The following KIF13B variants were observed in gnomAD, a reference collection of about 807,000 sequenced individuals.
KIF13B encodes the protein kinesin-like protein KIF13B.
A neutral mutation model predicts 222.0 loss-of-function variants in KIF13B; 127 were observed. The observed-to-expected ratio is 0.57, with a 90% confidence interval of 0.50 to 0.66. KIF13B has a LOEUF of 0.66. Among genes scored for constraint, KIF13B ranks in the 30% least tolerant of loss-of-function variants. KIF13B has a pLI of 0.00. For missense variants in KIF13B, 2,173 were observed against 2,379.0 expected (o/e 0.91, Z 1.80); for synonymous variants, 976 against 919.0 (o/e 1.06, Z -1.12).
intron 21 of KIF13B, among the ~76,000 whole-genome samples, chr8:29,137,613 G>A (rs952697262): frequency 6.6e-6 from 1 of 152,120 alleles, no homozygotes; most frequent in Non-Finnish European, 1.5e-5. Context: ...TCTCCAGGCT[G>A]GTTTCTTTTG....
intron 12 of KIF13B, 33 bp from the exon 13 acceptor site, chr8:29,160,900 C>G (rs756190725): frequency 6.2e-7 from 1 of 1,601,412 alleles, no homozygotes; most frequent in South Asian, 1.1e-5. Flanking sequence ...ATTAATTTCA[C>G]AGCTATTGAG....
intron 2 of KIF13B, among the ~76,000 whole-genome samples, chr8:29,199,351 T>C (rs546722625): frequency 6.6e-6 from 1 of 152,108 alleles, no homozygotes; most frequent in South Asian, 2.1e-4. Context: ...ATTCCAGTTT[T>C]ACAGATGCAA....
At chr8:29,186,925 C>A (rs1278763804) in intron 5 of KIF13B, among the ~76,000 whole-genome samples, 1 of 149,052 alleles carries the variant, frequency 6.7e-6, no homozygotes, top group Non-Finnish European at 1.5e-5. Flanking sequence ...GCCGAGATTG[C>A]GCCACTGCAC....
Position 29,116,865 on chromosome 8 carries a change from C to A in KIF13B, c.3803G>T (p.Arg1268Leu). ...SHPADMQLVLRKRICVNVHGR... is the reference protein window; with the variant it reads ...SHPADMQLVLLKRICVNVHGR... ...GTGAACATTGACACAGATTCTCTTG[C>A]GTAACACCAGTTGCATGTCAGCAGG... Residue 1268 changes from arginine (R) to leucine (L), a missense_variant, in exon 31 of 40, where the codon CGC (arginine) becomes CTC (leucine). Coordinates refer to ENST00000524189, the MANE Select transcript of KIF13B (RefSeq NM_015254.4). 6.2e-7 allele frequency: 1 copy of A among 1,605,210 alleles called. No individual in the cohort carries two copies. Among genetic ancestry groups the A allele is most frequent in the East Asian group, 2.3e-5 (1 of 44,276 alleles).
intron 37 of KIF13B, among the ~76,000 whole-genome samples, chr8:29,089,034 G>C (rs1808171374): frequency 6.6e-6 from 1 of 152,146 alleles, no homozygotes; most frequent in African/African-American, 2.4e-5. Context: ...GGAAAAGAAG[G>C]TTCTTAAATA....
chr8:29,166,536 C>T (rs189394271), intron 11 of KIF13B, among the ~76,000 whole-genome samples: 1 of 152,044 alleles, frequency 6.6e-6, no homozygotes, highest in Non-Finnish European at 1.5e-5. Context: ...GAAACCCTGT[C>T]TCTATAAAAA....
rs764640446 is a variant in KIF13B at position 29,132,494 on chromosome 8, G to A, written c.2785-29C>T. 9 of 1,391,126 alleles carry A rather than the reference G, an allele frequency of 6.5e-6. No individual in the cohort carries two copies. The South Asian group carries it at 1.4e-4, about 22-fold the overall frequency. 86.2% of individuals were successfully genotyped at this position (1,391,126 alleles called of 1,614,324 possible). On this transcript the variant is annotated intron_variant, in intron 22 of 39. Coordinates refer to ENST00000524189, the MANE Select transcript of KIF13B (RefSeq NM_015254.4). ...AAACACAACAGCTAATTACAGAAGAGCAAACTCTTTCTGGTAATCTTATGA... is the reference window on the plus strand; with the variant it reads ...AAACACAACAGCTAATTACAGAAGAACAAACTCTTTCTGGTAATCTTATGA...
At chr8:29,138,531 A>G (rs1810665028) in intron 21 of KIF13B, 1 of 152,190 alleles carries the variant, frequency 6.6e-6, no homozygotes, top group Admixed American at 6.5e-5. Context: ...CTAGGTAAGA[A>G]TCATCAGTGG....
intron 10 of KIF13B, among the ~76,000 whole-genome samples, chr8:29,174,328 T>G (rs943870356): frequency 1.6e-4 from 25 of 152,228 alleles, no homozygotes; most frequent in Non-Finnish European, 4.4e-5. Context: ...GTCTTGAATT[T>G]TGCAGTTTGC....
intron 1 of KIF13B, chr8:29,250,085 C>G: frequency 7.9e-7 from 1 of 1,272,298 alleles, no homozygotes; most frequent in South Asian, 1.2e-5. Flanking sequence ...ACAGTCAAAT[C>G]TGTATCATAC....
rs777583082 is a variant in KIF13B, at chr8:29,132,450, T to C, written c.2800A>G (p.Ile934Val). 8 of 1,531,972 alleles carry C rather than the reference T, an allele frequency of 5.2e-6. No homozygotes were observed. The Admixed American group carries it at 9.9e-5, about 19-fold the overall frequency. The allele number at this position is 1,531,972 out of a possible 1,614,324, so 94.9% of individuals were successfully genotyped here. ...AGATGCTCGATAAAGTCTTCGGTGATGTTAACAGAAAACTCCTGAAACACA... is the reference window on the plus strand; with the variant it reads ...AGATGCTCGATAAAGTCTTCGGTGACGTTAACAGAAAACTCCTGAAACACA... The part of the protein sequence containing the change: ...FDHCNEFSVN[I>V]TEDFIEHLSE... Residue 934 changes from isoleucine to valine, a missense_variant, in exon 23 of 40, where the codon ATC becomes GTC. Around this residue, in one of 2 missense-constraint regions of KIF13B, gnomAD observed 1,480 missense variants for 1,722.8 expected, o/e 0.86. Coordinates refer to ENST00000524189, the MANE Select transcript of KIF13B (RefSeq NM_015254.4).
intron 2 of KIF13B, among the ~76,000 whole-genome samples, chr8:29,244,083 G>A (rs907746524): frequency 1.5e-4 from 23 of 151,508 alleles, no homozygotes; most frequent in Non-Finnish European, 2.9e-4. Context: ...GTGTGATCTC[G>A]GCTCACTGCA....
intron 36 of KIF13B, among the ~76,000 whole-genome samples, chr8:29,098,685 G>A (rs942840620): frequency 6.6e-6 from 1 of 150,766 alleles, no homozygotes; most frequent in Admixed American, 6.6e-5. Context: ...ATGTAACTAC[G>A]GAATTTCATG....
rs979291973 is a variant in KIF13B at position 29,202,853 on chromosome 8, G to A, written c.150-6654C>T. Among the ~76,000 whole-genome samples, 12 of 152,028 alleles carry A rather than the reference G, an allele frequency of 7.9e-5. No homozygotes were observed. The East Asian group carries it at 1.4e-3, about 17-fold the overall frequency. On this transcript the variant is annotated intron_variant, in intron 2 of 39. Coordinates refer to ENST00000524189, the MANE Select transcript of KIF13B (RefSeq NM_015254.4). ...GCGTCATCTCCCCCAACTCAGCTAC[G>A]TCACTCCCCTGTCCTCCATATACCT...
At chr8:29,084,168 G>A (rs1402236951) in intron 37 of KIF13B, among the ~76,000 whole-genome samples, 1 of 152,044 alleles carries the variant, frequency 6.6e-6, no homozygotes, top group Non-Finnish European at 1.5e-5. Flanking sequence ...CGCCCACCTC[G>A]GCCTCCCAAA....
chr8:29,202,453 GACTACAGGCACCC>G (rs953660574), intron 2 of KIF13B, among the ~76,000 whole-genome samples: 1 of 152,116 alleles, frequency 6.6e-6, no homozygotes, highest in African/African-American at 2.4e-5. Flanking sequence ...AAGTAGCTGG[GACTACAGGCACCC>G]ACCACCATGC....
At chr8:29,168,001 C>A (rs1812079243) in intron 10 of KIF13B, among the ~76,000 whole-genome samples, 1 of 152,214 alleles carries the variant, frequency 6.6e-6, no homozygotes, top group African/African-American at 2.4e-5. Flanking sequence ...TCCTCCACAA[C>A]CCCCTGTACT....
intron 2 of KIF13B, among the ~76,000 whole-genome samples, chr8:29,213,948 C>T (rs1410745387): frequency 1.3e-5 from 2 of 151,848 alleles, no homozygotes; most frequent in Admixed American, 1.3e-4. Context: ...AGCAAGACTC[C>T]ATCTCAAAAA....
chr8:29,151,114 T>C (rs564252192), intron 14 of KIF13B, among the ~76,000 whole-genome samples: 13 of 152,306 alleles, frequency 8.5e-5, no homozygotes, highest in African/African-American at 3.1e-4. Flanking sequence ...TGAACAGTCT[T>C]CCTGCTGATA....
Sources: allele counts gnomAD v4.1 joint callset (sites outside exome capture counted in the v4.1 genomes callset), GRCh38; gene constraint gnomAD v4.1.1; regional missense constraint gnomAD v4.1.1; transcripts MANE v1.5; gene names NCBI Gene and HGNC (gene_info 2026-07-23, HGNC 2026-07-21).